The following SLC35D1 variants were observed in gnomAD, a reference collection of about 807,000 sequenced individuals.
SLC35D1 encodes the protein solute carrier family 35 member D1.
SLC35D1 carries 31 observed loss-of-function variants against 46.7 expected under a neutral mutation model. The observed-to-expected ratio is 0.66, with a 90% CI of 0.50 to 0.90. The LOEUF (loss-of-function observed/expected upper bound fraction) is 0.90, where lower values mean the gene tolerates loss of function less well. SLC35D1 is among the 40% of genes least tolerant of loss of function. The pLI, the probability that SLC35D1 is intolerant of heterozygous loss-of-function variation, is 0.00. For synonymous variants in SLC35D1, 195 were observed against 164.6 expected, an observed-to-expected ratio of 1.18 and a Z score of -1.41; for missense variants, 397 against 426.2, an observed-to-expected ratio of 0.93 and a Z score of 0.60.
intron 8 of SLC35D1, chr1:67,031,930 T>C (rs1535365): frequency 0.63 from 270,936 of 430,342 alleles, 88,064 homozygotes; most frequent in East Asian, 0.84. Flanking sequence ...TACATTTTGT[T>C]AATCAGGAAA....
chr1:67,016,283 T>C (rs1667684019), intron 10 of SLC35D1, among the ~76,000 whole-genome samples: 2 of 152,274 alleles, frequency 1.3e-5, no homozygotes, highest in South Asian at 4.1e-4. Flanking sequence ...AAGACTTTTG[T>C]TTTCCATTGA....
At chr1:66,976,298 G>C in the SLC35D1 span, among the ~76,000 whole-genome samples, 15 of 152,154 alleles carry the variant, frequency 9.9e-5, no homozygotes, top group African/African-American at 3.6e-4. Flanking sequence ...CACCGTGCCC[G>C]GCCAACTTCC....
At chr1:67,005,276 G>C (rs1667423291) in intron 11 of SLC35D1, among the ~76,000 whole-genome samples, 1 of 152,052 alleles carries the variant, frequency 6.6e-6, no homozygotes, top group Non-Finnish European at 1.5e-5. Context: ...CCCTGGTTTT[G>C]GCCCTCATCT....
In SLC35D1 at chr1:67,046,308, CTTGTA is replaced by C. The variant is rs1247359875; in HGVS notation, c.636+952_636+956del. 2.6e-5 allele frequency among the ~76,000 whole-genome samples: 4 copies of C among 152,142 alleles called. No homozygotes were observed. The East Asian group carries it at 5.8e-4, about 22-fold the overall frequency. ...ATAGTACTATCAAGCAGGTAGGACACTTGTATTTATTTATTATCTAAGCTCCCAAA... is the reference window on the plus strand; with the variant it reads ...ATAGTACTATCAAGCAGGTAGGACACTTTATTTATTATCTAAGCTCCCAAA... On this transcript the variant is annotated intron_variant, in intron 7 of 11. Transcript: ENST00000235345.
intron 10 of SLC35D1, among the ~76,000 whole-genome samples, chr1:67,014,502 G>A (rs1203805388): frequency 6.6e-6 from 1 of 151,898 alleles, no homozygotes; most frequent in Admixed American, 6.6e-5. Context: ...ATATATACAT[G>A]TCTAAGTGTA....
chr1:67,018,445 G>C (rs181651775), intron 10 of SLC35D1, among the ~76,000 whole-genome samples: 1 of 152,066 alleles, frequency 6.6e-6, no homozygotes, highest in African/African-American at 2.4e-5. Context: ...CCTAAGCAAG[G>C]CTGGCTATCA....
At chr1:66,979,071 G>C in the SLC35D1 span, among the ~76,000 whole-genome samples, 4 of 151,960 alleles carry the variant, frequency 2.6e-5, no homozygotes, top group African/African-American at 9.7e-5. Flanking sequence ...TGGTTTTGTA[G>C]GCTTCAGTTG....
chr1:67,043,127 G>A (rs114478108), intron 7 of SLC35D1, among the ~76,000 whole-genome samples: 1,819 of 152,098 alleles, frequency 0.012, 21 homozygotes, highest in Non-Finnish European at 0.017. Flanking sequence ...CTCAGGAGGT[G>A]GAGATGCAGT....
chr1:67,011,269 G>A (rs556363257), intron 10 of SLC35D1, among the ~76,000 whole-genome samples: 1 of 152,218 alleles, frequency 6.6e-6, no homozygotes, highest in South Asian at 2.1e-4. Flanking sequence ...TGATTTTTAA[G>A]CAAATTTTCC....
intron 8 of SLC35D1, among the ~76,000 whole-genome samples, chr1:67,040,538 T>G (rs1668220936): frequency 6.6e-6 from 1 of 152,206 alleles, no homozygotes; most frequent in South Asian, 2.1e-4. Flanking sequence ...GGTCTTTGAC[T>G]TCTACCTTCT....
chr1:67,050,911 T>C (rs1645302326), intron 4 of SLC35D1, among the ~76,000 whole-genome samples: 3 of 152,204 alleles, frequency 2.0e-5, no homozygotes, highest in Admixed American at 6.5e-5. Context: ...GTGGATGTAA[T>C]TTTGTCTTCA....
At position 67,020,465 on chromosome 1, in the gene SLC35D1, G is replaced by A. The variant is rs777387674; in HGVS notation, c.798-18C>T. The A allele has an allele frequency of 1.1e-5, 17 of 1,557,772 alleles. No homozygotes were observed. The highest frequency in any genetic ancestry group is 2.2e-5 in the South Asian group (2 of 89,968). ...AGATAAACCTAGAATGAAGAAAGAGGTATAAAATCCAGTTTCTCACTTTAT... is the reference window on the plus strand; with the variant it reads ...AGATAAACCTAGAATGAAGAAAGAGATATAAAATCCAGTTTCTCACTTTAT... On this transcript the variant is annotated intron_variant, in intron 9 of 11. Coordinates refer to ENST00000235345, the MANE Select transcript of SLC35D1 (RefSeq NM_015139.3).
chr1:67,007,566 T>A (rs1327086341), intron 11 of SLC35D1, among the ~76,000 whole-genome samples: 1 of 152,220 alleles, frequency 6.6e-6, no homozygotes, highest in East Asian at 1.9e-4. Flanking sequence ...ATTTCATCTT[T>A]ATTACTGACT....
the SLC35D1 span, among the ~76,000 whole-genome samples, chr1:66,993,841 A>C: frequency 1.3e-5 from 2 of 152,150 alleles, no homozygotes; most frequent in South Asian, 4.1e-4. Context: ...TATAGCAGGC[A>C]CTCTGTTTCT....
At chr1:67,042,648 A>T (rs1645203931) in intron 7 of SLC35D1, among the ~76,000 whole-genome samples, 1 of 152,212 alleles carries the variant, frequency 6.6e-6, no homozygotes, top group Admixed American at 6.5e-5. Context: ...ACACATACAC[A>T]CACACACAAA....
At chr1:67,028,376 C>G (rs1667955972) in intron 8 of SLC35D1, among the ~76,000 whole-genome samples, 1 of 152,146 alleles carries the variant, frequency 6.6e-6, no homozygotes, top group African/African-American at 2.4e-5. Flanking sequence ...TTATCCAAGT[C>G]TTCTATACTT....
the SLC35D1 span, among the ~76,000 whole-genome samples, chr1:66,976,368 A>C: frequency 6.6e-6 from 1 of 152,218 alleles, no homozygotes; most frequent in Non-Finnish European, 1.5e-5. Context: ...TAGCATTTTA[A>C]AAAGCACAGT....
At chr1:67,022,424 C>T (rs1480224947) in intron 8 of SLC35D1, among the ~76,000 whole-genome samples, 1 of 152,220 alleles carries the variant, frequency 6.6e-6, no homozygotes, top group Non-Finnish European at 1.5e-5. Context: ...TACTTGCATG[C>T]CTTTGCCTGG....
At chr1:67,008,131 C>T (rs1411312281) in intron 11 of SLC35D1, among the ~76,000 whole-genome samples, 1 of 152,144 alleles carries the variant, frequency 6.6e-6, no homozygotes, top group Non-Finnish European at 1.5e-5. Context: ...CTTCAAACAA[C>T]AGCACTACCA....
Sources: allele counts gnomAD v4.1 joint callset (sites outside exome capture counted in the v4.1 genomes callset), GRCh38; gene constraint gnomAD v4.1.1; transcripts MANE v1.5; gene names NCBI Gene and HGNC (gene_info 2026-07-23, HGNC 2026-07-21).